Variants in ITPR2 observed in about 807,000 individuals in gnomAD.
ITPR2 encodes the protein inositol 1,4,5-trisphosphate receptor type 2, also known as inositol 1,4,5-trisphosphate-gated calcium channel ITPR2.
A neutral mutation model predicts 317.1 loss-of-function variants in ITPR2; 207 were observed. That is an observed-to-expected ratio of 0.65 (90% CI 0.58 to 0.73). The LOEUF (loss-of-function observed/expected upper bound fraction) is 0.73. ITPR2 is among the 30% of genes least tolerant of loss of function. The pLI, the probability that ITPR2 is intolerant of heterozygous loss-of-function variation, is 0.00. For missense variants in ITPR2, 2,613 were observed against 3,284.0 expected (o/e 0.80, Z 4.99); for synonymous variants, 1,156 against 1,149.1 (o/e 1.01, Z -0.12).
intron 35 of ITPR2, among the ~76,000 whole-genome samples, chr12:26,556,989 G>A (rs938025021): frequency 5.9e-5 from 9 of 151,878 alleles, no homozygotes; most frequent in African/African-American, 2.2e-4. Flanking sequence ...TGAGGTGGGA[G>A]AATCACCTGA....
chr12:26,798,085 C>T (rs1044061433), intron 1 of ITPR2, among the ~76,000 whole-genome samples: 10 of 152,102 alleles, frequency 6.6e-5, no homozygotes, highest in African/African-American at 2.4e-4. Flanking sequence ...ATGAATTTCT[C>T]CCTCAGCTGC....
Position 26,508,755 on chromosome 12 carries a change from A to G in ITPR2, c.5074-13495T>C, listed in dbSNP as rs117744458. Among the ~76,000 whole-genome samples the G allele has an allele frequency of 2.5e-4, 38 of 152,368 alleles. 1 individual carries two copies. In the East Asian group the frequency reaches 7.3e-3, roughly 29 times the overall value. On this transcript the variant is annotated intron_variant, in intron 37 of 56. Coordinates refer to ENST00000381340, the MANE Select transcript of ITPR2 (RefSeq NM_002223.4). ...AAAAGCTGACATTGTGATCTGAACA[A>G]TAACACATGTTGGTGAGGATGTGGA...
intron 21 of ITPR2, among the ~76,000 whole-genome samples, chr12:26,649,881 T>G (rs11048631): frequency 6.6e-6 from 1 of 152,188 alleles, no homozygotes; most frequent in African/African-American, 2.4e-5. Context: ...GATAGACAGA[T>G]AGATAATCTG....
chr12:26,456,662 C>T (rs1214371343), intron 45 of ITPR2, among the ~76,000 whole-genome samples: 1 of 151,988 alleles, frequency 6.6e-6, no homozygotes, highest in Non-Finnish European at 1.5e-5. Context: ...GGATCAGGAC[C>T]CCTTTCTAGT....
intron 55 of ITPR2, among the ~76,000 whole-genome samples, chr12:26,360,309 G>A (rs993712362): frequency 2.0e-5 from 3 of 152,122 alleles, no homozygotes; most frequent in African/African-American, 7.2e-5. Flanking sequence ...GAACCACTTC[G>A]AGAGGGAAGT....
chr12:26,819,236 A>G (rs1316551648), intron 1 of ITPR2, among the ~76,000 whole-genome samples: 1 of 152,210 alleles, frequency 6.6e-6, no homozygotes, highest in Admixed American at 6.5e-5. Context: ...ACTGTTACCA[A>G]TGAAGATTCC....
At chr12:26,695,671 T>C in intron 9 of ITPR2, 21 bp from the exon 10 acceptor site, 1 of 1,601,320 alleles carries the variant, frequency 6.2e-7, no homozygotes, top group Non-Finnish European at 8.6e-7. Flanking sequence ...AAAGGAAAAT[T>C]TAGTTTTTCA....
rs375371525 is a variant in ITPR2 at position 26,624,333 on chromosome 12, T to C, written c.3088A>G (p.Ile1030Val). 1 of 1,610,262 alleles carries C rather than the reference T, an allele frequency of 6.2e-7. No homozygotes were observed. Among genetic ancestry groups the C allele is most frequent in the South Asian group, 1.1e-5 (1 of 90,668 alleles). The change falls in exon 24 of 57, where the codon ATT (isoleucine) becomes GTT (valine). Residue 1030 changes from isoleucine to valine, a missense_variant. Transcript: ENST00000381340. Reference sequence around the variant, plus strand: ...AACATAGTTTCTGCCTGAGCTGCAATTTCATCTATATCAGGAACAATAGCT... The same window carrying C: ...AACATAGTTTCTGCCTGAGCTGCAACTTCATCTATATCAGGAACAATAGCT... ...PSAIVPDIDE[I>V]AAQAETMFAG...
rs1264016543 is a variant in ITPR2, at chr12:26,486,201, G to A, written c.5714C>T (p.Ser1905Phe). 2 of 1,614,108 alleles carry A rather than the reference G, an allele frequency of 1.2e-6. No homozygotes were observed. Among genetic ancestry groups the A allele is most frequent in the African/African-American group, 1.3e-5 (1 of 75,028 alleles). Residue 1905 changes from serine to phenylalanine, a missense_variant, in exon 41 of 57, where the codon TCC (serine) becomes TTC (phenylalanine). Coordinates refer to ENST00000381340, the MANE Select transcript of ITPR2 (RefSeq NM_002223.4). ...GPEAGNTEEK[S>F]AEEVTMSPAI... The stretch of plus-strand genomic sequence containing the variant: ...GGGACTCATTGTTACTTCCTCTGCG[G>A]ATTTTTCCTCAGTGTTTCCCGCTTC...
chr12:26,726,405 A>T (rs1948923866), intron 2 of ITPR2, among the ~76,000 whole-genome samples: 1 of 152,216 alleles, frequency 6.6e-6, no homozygotes. Flanking sequence ...GTCAAGAAGC[A>T]AAATATACGT....
intron 37 of ITPR2, among the ~76,000 whole-genome samples, chr12:26,496,067 G>A (rs182164168): frequency 7.2e-5 from 11 of 152,190 alleles, no homozygotes; most frequent in African/African-American, 2.6e-4. Context: ...AAGAAACACA[G>A]ATAACTCCAA....
chr12:26,791,136 T>A (rs528290677), intron 1 of ITPR2, among the ~76,000 whole-genome samples: 17 of 152,302 alleles, frequency 1.1e-4, no homozygotes, highest in Middle Eastern at 6.8e-3. Flanking sequence ...AGAAGACAAT[T>A]TGTAGGACAA....
chr12:26,356,985 C>T (rs1303340602), intron 55 of ITPR2, among the ~76,000 whole-genome samples: 1 of 152,166 alleles, frequency 6.6e-6, no homozygotes, highest in Non-Finnish European at 1.5e-5. Context: ...GTTTCTAATA[C>T]ATGATGAAGC....
chr12:26,656,390 T>C lies in ITPR2; in HGVS notation c.2351A>G (p.His784Arg). 5 of 1,614,130 alleles carry C rather than the reference T, an allele frequency of 3.1e-6. No individual in the cohort carries two copies. Among genetic ancestry groups the C allele is most frequent in the Non-Finnish European group, 4.2e-6 (5 of 1,180,024 alleles). ...LRASFCRLML[H>R]MHVDRDPQES... ...CTGGGGATCCCGGTCAACGTGCATG[T>C]GGAGCATGAGGCGACAGAAGGACGC... The change falls in exon 19 of 57, where the codon CAC becomes CGC. Residue 784 changes from histidine (H) to arginine (R), a missense_variant. Physicochemically the swap from His to Arg is conservative, Grantham distance 29. This residue lies in a region of ITPR2 where 817 missense variants were observed against 897.6 expected (regional missense o/e 0.91). Transcript: ENST00000381340.
Position 26,495,021 on chromosome 12 carries a change from T to C in ITPR2, c.5182+131A>G, listed in dbSNP as rs548370338. 51 of 657,714 alleles carry C rather than the reference T, an allele frequency of 7.8e-5. 1 individual carries two copies. The South Asian group carries it at 8.2e-4, about 11-fold the overall frequency. The allele number at this position is 657,714 out of a possible 1,614,324, so 40.7% of individuals were successfully genotyped here. On this transcript the variant is annotated intron_variant, in intron 38 of 56. Transcript: ENST00000381340. ...GTTGTTTTATGAGCCCCAAATTGTA[T>C]GAAAGTTTTTAACAGTGATTTTTAA...
intron 23 of ITPR2, 124 bp from the exon 24 acceptor site, chr12:26,624,480 A>G: frequency 6.2e-6 from 4 of 649,004 alleles, no homozygotes; most frequent in East Asian, 2.7e-5. Flanking sequence ...CCAAAAGTCA[A>G]TTAACACTAA....
chr12:26,393,440 T>C (rs1247637486), intron 54 of ITPR2, among the ~76,000 whole-genome samples: 1 of 152,220 alleles, frequency 6.6e-6, no homozygotes, highest in African/African-American at 2.4e-5. Context: ...ATTATCATAA[T>C]GCTTCTTATG....
At chr12:26,667,923 T>C (rs939995724) in intron 13 of ITPR2, among the ~76,000 whole-genome samples, 6 of 131,636 alleles carry the variant, frequency 4.6e-5, no homozygotes, top group African/African-American at 1.7e-4. Context: ...GCAAATCACA[T>C]GTCAACCCTA....
At chr12:26,787,643 G>A (rs966644071) in intron 2 of ITPR2, among the ~76,000 whole-genome samples, 1 of 152,196 alleles carries the variant, frequency 6.6e-6, no homozygotes, top group Non-Finnish European at 1.5e-5. Context: ...CTGACCAACA[G>A]AGGAGTAAGG....
Sources: gnomAD v4.1 joint callset for allele counts (sites outside exome capture counted in the v4.1 genomes callset) on GRCh38, gnomAD v4.1.1 for gene constraint, gnomAD v4.1.1 regional missense constraint, MANE v1.5 for transcripts, NCBI Gene and HGNC (gene_info 2026-07-23, HGNC 2026-07-21) for gene names.